The following AGBL4 variants were observed in gnomAD, a reference collection of about 807,000 sequenced individuals.
AGBL4 encodes AGBL carboxypeptidase 4, also known as cytosolic carboxypeptidase 6.
Under a neutral mutation model 66.4 loss-of-function variants are expected in AGBL4, and 58 were observed. That is an observed-to-expected ratio of 0.87 (90% confidence interval 0.71 to 1.09). AGBL4 has a LOEUF of 1.09. Ranked by LOEUF, AGBL4 falls within the 50% of genes least tolerant of loss-of-function variation. AGBL4 has a pLI of 0.00. For missense variants in AGBL4, 579 were observed against 631.0 expected, an observed-to-expected ratio of 0.92 and a Z score of 0.88; for synonymous variants, 234 against 222.9, an observed-to-expected ratio of 1.05 and a Z score of -0.44.
At chr1:48,894,869 C>T (rs2148861270) in intron 5 of AGBL4, among the ~76,000 whole-genome samples, 1 of 152,286 alleles carries the variant, frequency 6.6e-6, no homozygotes, top group African/African-American at 2.4e-5. Flanking sequence ...CGTAGGGAGA[C>T]AGGATTTCCT....
chr1:49,407,109 TC>T (rs199682436), intron 3 of AGBL4, among the ~76,000 whole-genome samples: 3,285 of 150,640 alleles, frequency 0.022, 104 homozygotes, highest in Admixed American at 0.092. Context: ...CAAATTTTTT[TC>T]TTTTTACCTA....
chr1:49,007,668 C>G (rs1661976991), intron 5 of AGBL4, among the ~76,000 whole-genome samples: 1 of 151,914 alleles, frequency 6.6e-6, no homozygotes, highest in Admixed American at 6.6e-5. Flanking sequence ...ATCAGACTAA[C>G]AGTGGATCTC....
chr1:48,946,924 G>A (rs1217345411), intron 5 of AGBL4, among the ~76,000 whole-genome samples: 2 of 152,144 alleles, frequency 1.3e-5, no homozygotes, highest in Non-Finnish European at 2.9e-5. Flanking sequence ...GCCAACACTG[G>A]GGCCTAAGGG....
chr1:48,681,855 A>C (rs1463966391), intron 6 of AGBL4, among the ~76,000 whole-genome samples: 1 of 152,222 alleles, frequency 6.6e-6, no homozygotes, highest in East Asian at 1.9e-4. Context: ...AGGAGACAAC[A>C]GGCCAGAGAC....
At chr1:49,302,196 A>T (rs1342415762) in intron 3 of AGBL4, among the ~76,000 whole-genome samples, 3 of 145,862 alleles carry the variant, frequency 2.1e-5, no homozygotes, top group East Asian at 2.0e-4. Flanking sequence ...TATTGTCATT[A>T]AAAAAAAAAC....
chr1:48,704,357 T>G (rs1646849282), intron 6 of AGBL4, among the ~76,000 whole-genome samples: 1 of 152,226 alleles, frequency 6.6e-6, no homozygotes, highest in African/African-American at 2.4e-5. Context: ...TAGGCTACAA[T>G]CAATTTGTTA....
At chr1:49,263,704 T>TA (rs1653455578) in intron 3 of AGBL4, among the ~76,000 whole-genome samples, 1 of 152,150 alleles carries the variant, frequency 6.6e-6, no homozygotes, top group Non-Finnish European at 1.5e-5. Context: ...GGTAAGCATG[T>TA]AAAATAGAAG....
intron 3 of AGBL4, among the ~76,000 whole-genome samples, chr1:49,459,078 T>C (rs1012257329): frequency 6.6e-6 from 1 of 151,544 alleles, no homozygotes; most frequent in African/African-American, 2.4e-5. Context: ...TCTTGTTAAT[T>C]GCTTCTTTCG....
At chr1:49,147,927 C>T (rs1490353592) in intron 4 of AGBL4, among the ~76,000 whole-genome samples, 1 of 152,090 alleles carries the variant, frequency 6.6e-6, no homozygotes, top group Non-Finnish European at 1.5e-5. Context: ...TATGCACTAT[C>T]CTGTCTGTGT....
chr1:48,946,323 T>C (rs1298116266), intron 5 of AGBL4, among the ~76,000 whole-genome samples: 3 of 152,216 alleles, frequency 2.0e-5, no homozygotes, highest in Non-Finnish European at 4.4e-5. Context: ...ATTTGCTGAA[T>C]GAATGGACAA....
At chr1:48,730,383 G>A (rs1359305419) in intron 6 of AGBL4, among the ~76,000 whole-genome samples, 1 of 152,132 alleles carries the variant, frequency 6.6e-6, no homozygotes, top group East Asian at 1.9e-4. Flanking sequence ...ACTTCTCTGG[G>A]TCTCGGTTTC....
chr1:49,402,534 G>A (rs903397785), intron 3 of AGBL4, among the ~76,000 whole-genome samples: 1 of 151,126 alleles, frequency 6.6e-6, no homozygotes, highest in Admixed American at 6.6e-5. Flanking sequence ...TGTGGTCAGA[G>A]AAGATGCTTG....
At chr1:48,664,982 G>A (rs958001710) in intron 6 of AGBL4, among the ~76,000 whole-genome samples, 2 of 152,212 alleles carry the variant, frequency 1.3e-5, no homozygotes, top group Non-Finnish European at 2.9e-5. Context: ...AAATGCTGGA[G>A]ACATGCTATT....
At chr1:49,726,745 G>C (rs955665236) in intron 2 of AGBL4, among the ~76,000 whole-genome samples, 1 of 152,088 alleles carries the variant, frequency 6.6e-6, no homozygotes, top group African/African-American at 2.4e-5. Flanking sequence ...GGATGGCACA[G>C]ATAATTTAAA....
intron 6 of AGBL4, among the ~76,000 whole-genome samples, chr1:48,800,389 T>C (rs1645782894): frequency 6.6e-6 from 1 of 152,232 alleles, no homozygotes; most frequent in South Asian, 2.1e-4. Flanking sequence ...TCATCTCTGT[T>C]CTTTCCTTGG....
At chr1:48,918,814 G>C (rs1221017418) in intron 5 of AGBL4, among the ~76,000 whole-genome samples, 1 of 152,202 alleles carries the variant, frequency 6.6e-6, no homozygotes, top group Non-Finnish European at 1.5e-5. Flanking sequence ...CGTCAGCACA[G>C]CTGTATACCA....
chr1:49,823,331 T>C (rs187730720), intron 2 of AGBL4, among the ~76,000 whole-genome samples: 4 of 152,306 alleles, frequency 2.6e-5, no homozygotes, highest in African/African-American at 9.6e-5. Flanking sequence ...GAAAAATTAT[T>C]ATGTCATAAA....
At chr1:49,352,505 G>T (rs188095646) in intron 3 of AGBL4, among the ~76,000 whole-genome samples, 14 of 150,994 alleles carry the variant, frequency 9.3e-5, no homozygotes, top group Non-Finnish European at 1.9e-4. Flanking sequence ...GAGAATATCA[G>T]CTCCCAGCAG....
intron 2 of AGBL4, among the ~76,000 whole-genome samples, chr1:49,810,933 C>T (rs934629791): frequency 2.6e-5 from 4 of 152,090 alleles, no homozygotes; most frequent in African/African-American, 9.7e-5. Context: ...TGAACTAAGA[C>T]AATCACAGTA....
Sources: gnomAD v4.1 joint callset for allele counts (sites outside exome capture counted in the v4.1 genomes callset) on GRCh38, gnomAD v4.1.1 for gene constraint, MANE v1.5 for transcripts, NCBI Gene and HGNC (gene_info 2026-07-23, HGNC 2026-07-21) for gene names.